NUBPL: variants seen among roughly 807,000 people sequenced by gnomAD.
NUBPL encodes iron-sulfur cluster transfer protein NUBPL.
In NUBPL, 31 loss-of-function variants were observed where a neutral mutation model predicts 45.7. The observed-to-expected ratio is 0.68, with a 90% CI of 0.51 to 0.92. The LOEUF is 0.92. NUBPL is among the 40% of genes least tolerant of loss of function. The probability of loss-of-function intolerance (pLI) is 0.00; values close to 1 mark genes in which losing one functional copy is unlikely to be tolerated. For missense variants in NUBPL, 401 were observed against 398.7 expected, an observed-to-expected ratio of 1.01 and a Z score of -0.05; for synonymous variants, 144 against 140.9, an observed-to-expected ratio of 1.02 and a Z score of -0.15.
rs577712342 is a variant in NUBPL, at chr14:31,584,242, A to G, written c.292-15047A>G. Reference sequence around the variant, plus strand: ...CGGGCTCAAGCAATTCTCCTACCTCAGTCACCCAAGGAGCTGGGACTACAG... The same window carrying G: ...CGGGCTCAAGCAATTCTCCTACCTCGGTCACCCAAGGAGCTGGGACTACAG... On this transcript the variant is annotated intron_variant, in intron 3 of 10. Transcript: ENST00000281081. 8.6e-5 allele frequency among the ~76,000 whole-genome samples: 13 copies of G among 152,016 alleles called. No homozygotes were observed. The South Asian group carries it at 2.7e-3, about 32-fold the overall frequency.
At chr14:31,696,550 T>G (rs1200041256) in intron 6 of NUBPL, among the ~76,000 whole-genome samples, 2 of 152,186 alleles carry the variant, frequency 1.3e-5, no homozygotes, top group Non-Finnish European at 2.9e-5. Flanking sequence ...TTTAAAGTCT[T>G]TGTTTACTTT....
At chr14:31,840,618 T>A (rs1159611367) in intron 8 of NUBPL, among the ~76,000 whole-genome samples, 1 of 149,042 alleles carries the variant, frequency 6.7e-6, no homozygotes, top group Non-Finnish European at 1.5e-5. Flanking sequence ...TGTAATAACA[T>A]GGATGAACCT....
rs182899205 is a variant in NUBPL at position 31,695,544 on chromosome 14, G to A, written c.513+21970G>A. Among the ~76,000 whole-genome samples, 932 of 152,206 alleles carry A rather than the reference G, an allele frequency of 6.1e-3. 6 individuals carry two copies. The highest frequency in any genetic ancestry group is 8.5e-3 in the Non-Finnish European group (577 of 68,002). ...GGGCCTAATGACAGGTGTTGGGGTC[G>A]TGAAGGGCTGAGTCCTCATGAATGA... On this transcript the variant is annotated intron_variant, in intron 6 of 10. Coordinates refer to ENST00000281081, the MANE Select transcript of NUBPL (RefSeq NM_025152.3).
intron 6 of NUBPL, among the ~76,000 whole-genome samples, chr14:31,705,409 C>T (rs909598956): frequency 6.6e-6 from 1 of 152,290 alleles, no homozygotes; most frequent in South Asian, 2.1e-4. Context: ...CTAGCCTCAC[C>T]CACATCCTAC....
intron 8 of NUBPL, among the ~76,000 whole-genome samples, chr14:31,842,395 T>C (rs972276422): frequency 1.3e-5 from 2 of 152,162 alleles, no homozygotes; most frequent in African/African-American, 4.8e-5. Flanking sequence ...CTAGGAGAAG[T>C]TACATATTAT....
At chr14:31,771,399 A>G (rs1413663120) in intron 6 of NUBPL, among the ~76,000 whole-genome samples, 2 of 152,234 alleles carry the variant, frequency 1.3e-5, no homozygotes, top group African/African-American at 4.8e-5. Context: ...ATAATTTTCT[A>G]TGGGTATACA....
chr14:31,565,231 A>C (rs2033405684), intron 3 of NUBPL, among the ~76,000 whole-genome samples, 183 bp downstream of exon 3: 1 of 152,188 alleles, frequency 6.6e-6, no homozygotes, highest in African/African-American at 2.4e-5. Flanking sequence ...TAATGTATTT[A>C]AGTGTTGACC....
chr14:31,581,859 G>A (rs1413911374), intron 3 of NUBPL, among the ~76,000 whole-genome samples: 1 of 152,138 alleles, frequency 6.6e-6, no homozygotes, highest in African/African-American at 2.4e-5. Flanking sequence ...ACTTGAGAAA[G>A]TGGCCTTTTA....
chr14:31,752,202 T>A (rs2038547285), intron 6 of NUBPL, among the ~76,000 whole-genome samples: 1 of 152,212 alleles, frequency 6.6e-6, no homozygotes, highest in South Asian at 2.1e-4. Flanking sequence ...TGCTTGAATT[T>A]TTCCCTAAAA....
In NUBPL at chr14:31,791,782, G is replaced by T. The variant is rs191731960; in HGVS notation, c.607+3909G>T. Among the ~76,000 whole-genome samples the T allele has an allele frequency of 8.9e-3, 1,358 of 152,198 alleles. 11 individuals carry two copies. Among genetic ancestry groups the T allele is most frequent in the Non-Finnish European group, 0.011 (770 of 68,010 alleles). The stretch of plus-strand genomic sequence containing the variant: ...GAAGTGGACCTTGAAGAATAAATAT[G>T]ATACATTGTAGAACATTCAGGATTG... On this transcript the variant is annotated intron_variant, in intron 7 of 10. Transcript: ENST00000281081.
At chr14:31,632,272 A>G (rs1052126048) in intron 4 of NUBPL, among the ~76,000 whole-genome samples, 2 of 152,170 alleles carry the variant, frequency 1.3e-5, no homozygotes, top group African/African-American at 4.8e-5. Flanking sequence ...AGGAGTATCC[A>G]AATCTGAGAG....
chr14:31,813,486 T>C (rs112783511), intron 7 of NUBPL, among the ~76,000 whole-genome samples: 11,268 of 150,968 alleles, frequency 0.075, 470 homozygotes, highest in Non-Finnish European at 0.092. Flanking sequence ...TATATATATA[T>C]ACACACATAC....
chr14:31,597,080 C>A (rs574288093), intron 3 of NUBPL, among the ~76,000 whole-genome samples: 10 of 152,056 alleles, frequency 6.6e-5, no homozygotes, highest in Non-Finnish European at 1.2e-4. Context: ...GTCCTTAATC[C>A]CTTTGCTCCT....
chr14:31,700,549 A>G (rs975794026), intron 6 of NUBPL, among the ~76,000 whole-genome samples: 1 of 151,484 alleles, frequency 6.6e-6, no homozygotes, highest in Non-Finnish European at 1.5e-5. Flanking sequence ...GTGGAGGGAG[A>G]GGTGTGGGTG....
intron 4 of NUBPL, among the ~76,000 whole-genome samples, chr14:31,642,285 A>G (rs1292618065): frequency 3.3e-5 from 5 of 152,110 alleles, no homozygotes; most frequent in Admixed American, 6.5e-5. Context: ...CATTTACTTA[A>G]TGTTTTCTTC....
chr14:31,841,926 T>TGTTTTTTG lies in NUBPL; in HGVS notation c.694-4545_694-4544insGTTTTTTG, dbSNP rs1161613434. On this transcript the variant is annotated intron_variant, in intron 8 of 10. Transcript: ENST00000281081. ...ATGGGTCGATTCTGGGCTTTTTTTTTTTTTTTTTTTTTTTTTTTTTTTGAG... is the reference window on the plus strand; with the variant it reads ...ATGGGTCGATTCTGGGCTTTTTTTTTGTTTTTTGTTTTTTTTTTTTTTTTTTTTTTGAG... Among the ~76,000 whole-genome samples the TGTTTTTTG allele has an allele frequency of 3.3e-4, 38 of 115,286 alleles. 3 individuals are homozygous for TGTTTTTTG. The East Asian group carries it at 6.7e-3, about 20-fold the overall frequency. 75.6% of individuals were successfully genotyped at this position (115,286 alleles called of 152,430 possible).
chr14:31,562,321 T>A (rs1397919195), intron 2 of NUBPL, 106 bp downstream of exon 2: 3 of 1,086,904 alleles, frequency 2.8e-6, no homozygotes, highest in Non-Finnish European at 3.9e-6. Flanking sequence ...TTTGTGAAGT[T>A]CCTAACATGT....
chr14:31,580,386 G>GAA (rs2033829991), intron 3 of NUBPL, among the ~76,000 whole-genome samples: 1 of 152,194 alleles, frequency 6.6e-6, no homozygotes, highest in Non-Finnish European at 1.5e-5. Flanking sequence ...AACTTAGGAG[G>GAA]CTGAACTGGG....
Position 31,741,733 on chromosome 14 carries a change from A to G in NUBPL, c.514-46047A>G, listed in dbSNP as rs112617579. Among the ~76,000 whole-genome samples, 60 of 151,980 alleles carry G rather than the reference A, an allele frequency of 3.9e-4. 1 individual carries two copies. The highest frequency in any genetic ancestry group is 1.3e-3 in the African/African-American group (53 of 41,466). On this transcript the variant is annotated intron_variant, in intron 6 of 10. Coordinates refer to ENST00000281081, the MANE Select transcript of NUBPL (RefSeq NM_025152.3). ...CATTTACAGTTTAAGTTTTTCTCCC[A>G]TGGCACTCATTTCTGCTTGTAGGTT...
Sources: allele counts gnomAD v4.1 joint callset (sites outside exome capture counted in the v4.1 genomes callset), GRCh38; gene constraint gnomAD v4.1.1; transcripts MANE v1.5; gene names NCBI Gene and HGNC (gene_info 2026-07-23, HGNC 2026-07-21).